The following LRBA variants were observed in gnomAD, a reference collection of about 807,000 sequenced individuals.
LRBA encodes the protein lipopolysaccharide-responsive and beige-like anchor protein.
A neutral mutation model predicts 330.0 loss-of-function variants in LRBA; 176 were observed. That is an observed-to-expected ratio of 0.53 (90% confidence interval 0.47 to 0.60). The LOEUF is 0.60. Among genes scored for constraint, LRBA ranks in the 20% least tolerant of loss-of-function variants. The pLI, the probability that LRBA is intolerant of heterozygous loss-of-function variation, is 0.00. For synonymous variants in LRBA, 1,230 were observed against 1,193.0 expected, an observed-to-expected ratio of 1.03 and a Z score of -0.64; for missense variants, 3,259 against 3,444.8, an observed-to-expected ratio of 0.95 and a Z score of 1.35.
At chr4:150,415,796 TATAA>T (rs755216682) in intron 46 of LRBA, among the ~76,000 whole-genome samples, 4 of 152,166 alleles carry the variant, frequency 2.6e-5, no homozygotes, top group Non-Finnish European at 5.9e-5. Context: ...ATCTTACTGG[TATAA>T]ATAACTTTCA....
Position 150,464,381 on chromosome 4 carries a change from T to C in LRBA, c.6780+3292A>G, listed in dbSNP as rs561750567. On this transcript the variant is annotated intron_variant, in intron 44 of 56. Coordinates refer to ENST00000651943, the MANE Select transcript of LRBA (RefSeq NM_001364905.1). ...ACCATAGAGAGAGAGTAGGGTATAA[T>C]AGCCTGAGGATTAAAGAGCTGCCCA... Among the ~76,000 whole-genome samples the C allele has an allele frequency of 7.9e-5, 12 of 152,066 alleles. No homozygotes were observed. The East Asian group carries it at 1.5e-3, about 20-fold the overall frequency.
At chr4:150,637,020 G>C (rs1489960842) in intron 37 of LRBA, among the ~76,000 whole-genome samples, 1 of 152,072 alleles carries the variant, frequency 6.6e-6, no homozygotes, top group Non-Finnish European at 1.5e-5. Flanking sequence ...GCTTGGAAAG[G>C]ATGGTGTGAT....
chr4:150,810,417 C>A (rs376116401), intron 31 of LRBA, among the ~76,000 whole-genome samples: 16 of 97,436 alleles, frequency 1.6e-4, no homozygotes, highest in African/African-American at 5.4e-4. Context: ...CCTTGATAAT[C>A]AAAGTTGACT....
chr4:150,965,701 G>C (rs532675062), intron 2 of LRBA, among the ~76,000 whole-genome samples: 1 of 151,534 alleles, frequency 6.6e-6, no homozygotes, highest in Admixed American at 6.6e-5. Context: ...GACCATGCCC[G>C]GCTAATTTTT....
intron 2 of LRBA, among the ~76,000 whole-genome samples, chr4:150,988,335 A>G (rs1364406938): frequency 1.3e-5 from 2 of 152,216 alleles, no homozygotes; most frequent in African/African-American, 4.8e-5. Context: ...AAACTTTGGC[A>G]GCAGACTTTA....
At chr4:150,707,929 G>T (rs2127022659) in intron 36 of LRBA, among the ~76,000 whole-genome samples, 1 of 151,746 alleles carries the variant, frequency 6.6e-6, no homozygotes, top group Admixed American at 6.6e-5. Flanking sequence ...TACACAATTT[G>T]CTAAAGAAAA....
intron 41 of LRBA, among the ~76,000 whole-genome samples, chr4:150,489,519 A>G (rs1454450155): frequency 9.5e-6 from 1 of 105,492 alleles, no homozygotes; most frequent in African/African-American, 3.9e-5. Context: ...TATATAATAT[A>G]TAAGAATACA....
chr4:150,394,344 A>C (rs947872900), intron 47 of LRBA, among the ~76,000 whole-genome samples: 1 of 152,200 alleles, frequency 6.6e-6, no homozygotes, highest in African/African-American at 2.4e-5. Context: ...AATTTTATAA[A>C]ATTACAGAGG....
chr4:150,965,166 G>A (rs1014319577), intron 2 of LRBA, among the ~76,000 whole-genome samples: 12 of 152,100 alleles, frequency 7.9e-5, no homozygotes, highest in Non-Finnish European at 1.8e-4. Flanking sequence ...CATTAAGTAT[G>A]AAATAGTATA....
chr4:150,842,729 C>G (rs1356309078), intron 28 of LRBA, among the ~76,000 whole-genome samples: 5 of 152,222 alleles, frequency 3.3e-5, no homozygotes. Context: ...AAGTCCTAAA[C>G]TCACTTTCAC....
At chr4:150,289,259 A>G (rs749294866) in intron 53 of LRBA, among the ~76,000 whole-genome samples, 9 of 152,198 alleles carry the variant, frequency 5.9e-5, no homozygotes, top group Non-Finnish European at 1.3e-4. Context: ...ACTTTATTAA[A>G]TCATTTTTCA....
intron 37 of LRBA, among the ~76,000 whole-genome samples, chr4:150,619,034 G>GA (rs1255720658): frequency 1.3e-5 from 2 of 151,486 alleles, no homozygotes; most frequent in Non-Finnish European, 2.9e-5. Context: ...GCCATACCTG[G>GA]AAAAAATGCA....
chr4:150,816,858 A>T (rs1744671966), intron 31 of LRBA, among the ~76,000 whole-genome samples: 1 of 151,996 alleles, frequency 6.6e-6, no homozygotes, highest in African/African-American at 2.4e-5. Context: ...TTATGAATCT[A>T]TCATTCATCC....
intron 47 of LRBA, among the ~76,000 whole-genome samples, chr4:150,351,802 A>G (rs111728301): frequency 0.013 from 2,032 of 152,304 alleles, 39 homozygotes; most frequent in Non-Finnish European, 0.016. Flanking sequence ...CAAACCCTAT[A>G]CCTATATGTA....
At chr4:151,007,729 C>A (rs555619807) in intron 2 of LRBA, among the ~76,000 whole-genome samples, 3 of 151,134 alleles carry the variant, frequency 2.0e-5, no homozygotes, top group Admixed American at 2.0e-4. Context: ...TGGTGGCGGG[C>A]GCCTGTAGTC....
intron 47 of LRBA, among the ~76,000 whole-genome samples, chr4:150,410,123 T>C (rs1581230927): frequency 6.6e-6 from 1 of 152,056 alleles, no homozygotes; most frequent in Admixed American, 6.6e-5. Context: ...GTCTGGTCAG[T>C]GGTCTTAAGA....
At chr4:150,952,982 C>T (rs1737018923) in intron 2 of LRBA, among the ~76,000 whole-genome samples, 1 of 152,130 alleles carries the variant, frequency 6.6e-6, no homozygotes, top group Non-Finnish European at 1.5e-5. Flanking sequence ...CTTCGCCCAT[C>T]TTGTCTTCCT....
In LRBA at chr4:150,789,670, G is replaced by A. The variant is rs190926073; in HGVS notation, c.5580+8411C>T. ...AAAAACTATATAGTATGAGAATATA[G>A]CTAAAACTTCTAAAAGTTATCAGAG... On this transcript the variant is annotated intron_variant, in intron 34 of 56. Transcript: ENST00000651943. 3.9e-5 allele frequency among the ~76,000 whole-genome samples: 6 copies of A among 152,158 alleles called. No homozygotes were observed. The East Asian group carries it at 1.2e-3, about 29-fold the overall frequency.
At chr4:150,886,701 T>C (rs1031963426) in intron 17 of LRBA, among the ~76,000 whole-genome samples, 2 of 152,028 alleles carry the variant, frequency 1.3e-5, no homozygotes, top group Non-Finnish European at 2.9e-5. Context: ...CCTTACCAGG[T>C]TGTCTATTTG....
Sources: gnomAD v4.1 joint callset for allele counts (sites outside exome capture counted in the v4.1 genomes callset) on GRCh38, gnomAD v4.1.1 for gene constraint, MANE v1.5 for transcripts, NCBI Gene and HGNC (gene_info 2026-07-23, HGNC 2026-07-21) for gene names.